Variants in RPS6KA2 observed in about 807,000 individuals in gnomAD.
RPS6KA2 encodes ribosomal protein S6 kinase alpha-2.
A neutral mutation model predicts 91.8 loss-of-function variants in RPS6KA2; 42 were observed. The observed-to-expected ratio is 0.46, with a 90% CI of 0.36 to 0.59. The LOEUF is 0.59. RPS6KA2 is among the 20% of genes least tolerant of loss of function. The pLI is 0.00. For missense variants in RPS6KA2, 798 were observed against 978.5 expected, an observed-to-expected ratio of 0.82 and a Z score of 2.46; for synonymous variants, 414 against 393.6, an observed-to-expected ratio of 1.05 and a Z score of -0.61.
intron 10 of RPS6KA2, among the ~76,000 whole-genome samples, chr6:166,484,270 C>T (rs1239551778): frequency 2.0e-5 from 3 of 152,182 alleles, no homozygotes; most frequent in African/African-American, 4.8e-5. Flanking sequence ...CTGCGTGGTC[C>T]GAGAGCTGGA....
At chr6:166,474,430 C>T (rs949768694) in intron 10 of RPS6KA2, among the ~76,000 whole-genome samples, 16 of 152,284 alleles carry the variant, frequency 1.1e-4, no homozygotes, top group African/African-American at 3.6e-4. Flanking sequence ...ATCAGCACAT[C>T]GAATTCCTTT....
At chr6:166,811,294 G>C (rs1395253456) in intron 2 of RPS6KA2, among the ~76,000 whole-genome samples, 1 of 152,164 alleles carries the variant, frequency 6.6e-6, no homozygotes, top group Non-Finnish European at 1.5e-5. Flanking sequence ...TTCCCTGTTG[G>C]CCTCAGACAG....
At chr6:166,842,227 C>T (rs142003940) in intron 2 of RPS6KA2, among the ~76,000 whole-genome samples, 14 of 152,318 alleles carry the variant, frequency 9.2e-5, no homozygotes, top group South Asian at 8.3e-4. Context: ...CCAAAAGATA[C>T]GTGAGTCTCC....
chr6:166,790,123 T>C (rs1363338200), intron 2 of RPS6KA2, among the ~76,000 whole-genome samples: 2 of 151,926 alleles, frequency 1.3e-5, no homozygotes, highest in Non-Finnish European at 2.9e-5. Flanking sequence ...AAAAAAAAAT[T>C]AGACGAATGG....
intron 2 of RPS6KA2, among the ~76,000 whole-genome samples, chr6:166,638,056 C>T (rs1283506569): frequency 3.3e-5 from 5 of 152,250 alleles, no homozygotes; most frequent in Non-Finnish European, 5.9e-5. Context: ...CTCGGTTCAC[C>T]GCCTGTGTGA....
At chr6:166,454,672 GC>G (rs1423412900) in intron 12 of RPS6KA2, among the ~76,000 whole-genome samples, 3 of 152,106 alleles carry the variant, frequency 2.0e-5, no homozygotes, top group African/African-American at 7.2e-5. Context: ...GTATCAGGAT[GC>G]TTTGTAATGA....
At chr6:166,701,478 C>T in intron 2 of RPS6KA2, 1 of 1,174,322 alleles carries the variant, frequency 8.5e-7, no homozygotes, top group Non-Finnish European at 1.3e-6. Context: ...TCACCATCCT[C>T]ACCTTAGCAT....
chr6:166,593,657 G>A (rs1458010889), intron 1 of RPS6KA2, among the ~76,000 whole-genome samples: 7 of 149,242 alleles, frequency 4.7e-5, no homozygotes, highest in South Asian at 2.1e-4. Flanking sequence ...ACTGGTTTTC[G>A]GAAAAAAAAA....
At chr6:166,589,141 G>C (rs969533857) in intron 1 of RPS6KA2, among the ~76,000 whole-genome samples, 6 of 152,194 alleles carry the variant, frequency 3.9e-5, no homozygotes, top group Admixed American at 3.3e-4. Context: ...GGAAACAGGT[G>C]GTCAGATTGA....
At chr6:166,560,449 G>A (rs1279340121) in intron 1 of RPS6KA2, among the ~76,000 whole-genome samples, 1 of 152,174 alleles carries the variant, frequency 6.6e-6, no homozygotes, top group Non-Finnish European at 1.5e-5. Context: ...TCCTGACAGT[G>A]AATGTTCTCA....
At chr6:166,750,359 G>A (rs1007912177) in intron 2 of RPS6KA2, among the ~76,000 whole-genome samples, 9 of 152,046 alleles carry the variant, frequency 5.9e-5, no homozygotes, top group East Asian at 1.9e-4. Context: ...TGGAGGCCCC[G>A]AGTCACCCCA....
chr6:166,826,349 AT>A (rs1780048488), intron 2 of RPS6KA2, among the ~76,000 whole-genome samples: 1 of 152,212 alleles, frequency 6.6e-6, no homozygotes. Flanking sequence ...CACACAATCA[AT>A]TGAAAGAGCC....
intron 2 of RPS6KA2, among the ~76,000 whole-genome samples, chr6:166,730,080 G>A (rs1451606354): frequency 6.6e-6 from 1 of 152,206 alleles, no homozygotes; most frequent in African/African-American, 2.4e-5. Flanking sequence ...AGCTTTAGAA[G>A]GATTAAGATT....
At position 166,700,868 on chromosome 6, in the gene RPS6KA2, C is replaced by CT. The variant is rs1491376084; in HGVS notation, c.123+157331dup. Among the ~76,000 whole-genome samples, 11 of 152,144 alleles carry CT rather than the reference C, an allele frequency of 7.2e-5. No individual in the cohort carries two copies. The East Asian group carries it at 9.6e-4, about 13-fold the overall frequency. On this transcript the variant is annotated intron_variant, in intron 2 of 21. Coordinates refer to the RPS6KA2 transcript ENST00000503859. Reference sequence around the variant, plus strand: ...TCTTCTCTTTCCCCCCTCTGCCACCCTTTTTTTGTGTGTTTGTTTTAAAGC... The same window carrying CT: ...TCTTCTCTTTCCCCCCTCTGCCACCCTTTTTTTTGTGTGTTTGTTTTAAAGC...
intron 2 of RPS6KA2, among the ~76,000 whole-genome samples, chr6:166,845,516 TCA>T (rs1180038094): frequency 1.3e-5 from 2 of 152,104 alleles, no homozygotes; most frequent in African/African-American, 4.8e-5. Context: ...AAGTACTCTC[TCA>T]GACCACAGTG....
chr6:166,594,626 C>A (rs1015001614), intron 1 of RPS6KA2, among the ~76,000 whole-genome samples: 2 of 152,158 alleles, frequency 1.3e-5, no homozygotes, highest in South Asian at 2.1e-4. Flanking sequence ...CGATGCCCAG[C>A]TAATTTTTTG....
At chr6:166,695,362 G>A (rs944288764) in intron 2 of RPS6KA2, among the ~76,000 whole-genome samples, 2 of 152,204 alleles carry the variant, frequency 1.3e-5, no homozygotes, top group African/African-American at 2.4e-5. Flanking sequence ...AGAGAAAAGC[G>A]CAGTGTCATT....
In RPS6KA2 at chr6:166,433,335, A is replaced by G. The variant is rs1779200037; in HGVS notation, c.1333-845T>C. ...TATCCGATGTCTTAGGATAACAGATAAAGTTGCTTCAACCCCATGGAGACA... is the reference window on the plus strand; with the variant it reads ...TATCCGATGTCTTAGGATAACAGATGAAGTTGCTTCAACCCCATGGAGACA... On this transcript the variant is annotated intron_variant, in intron 14 of 20. Coordinates refer to ENST00000265678, the MANE Select transcript of RPS6KA2 (RefSeq NM_021135.6). The surrounding 1 kb of genome is among the most constrained non-coding windows in gnomAD (Gnocchi z 4.4). Among the ~76,000 whole-genome samples, 1 of 152,134 alleles carries G rather than the reference A, an allele frequency of 6.6e-6. No individual in the cohort carries two copies. Among genetic ancestry groups the G allele is most frequent in the South Asian group, 2.1e-4 (1 of 4,824 alleles).
intron 1 of RPS6KA2, among the ~76,000 whole-genome samples, chr6:166,576,447 C>T (rs531902857): frequency 1.1e-4 from 16 of 152,224 alleles, no homozygotes; most frequent in East Asian, 1.9e-4. Flanking sequence ...CTGATAATGA[C>T]GTAGACAATA....
Sources: allele counts gnomAD v4.1 joint callset (sites outside exome capture counted in the v4.1 genomes callset), GRCh38; gene constraint gnomAD v4.1.1; non-coding constraint Gnocchi (gnomAD v3.1); transcripts MANE v1.5; gene names NCBI Gene and HGNC (gene_info 2026-07-23, HGNC 2026-07-21).